SRGAP3: variants seen among roughly 807,000 people sequenced by gnomAD.
SRGAP3 encodes the protein SLIT-ROBO Rho GTPase activating protein 3.
In SRGAP3, 39 loss-of-function variants were observed where a neutral mutation model predicts 121.1. The ratio of observed to expected loss-of-function variants is 0.32; its 90% CI spans 0.25 to 0.42. The LOEUF is 0.42. Ranked by LOEUF, SRGAP3 falls within the 10% of genes least tolerant of loss-of-function variation. SRGAP3 has a pLI of 1.00. For synonymous variants in SRGAP3, 601 were observed against 570.0 expected (o/e 1.05, Z -0.77); for missense variants, 1,213 against 1,470.6 (o/e 0.82, Z 2.86).
intron 3 of SRGAP3, among the ~76,000 whole-genome samples, chr3:9,299,138 G>A (rs1955003908): frequency 6.6e-6 from 1 of 150,930 alleles, no homozygotes; most frequent in Admixed American, 6.6e-5. Flanking sequence ...CGAGCCGGAT[G>A]GATCACGAGG....
chr3:9,189,271 G>T (rs1951685660), intron 1 of SRGAP3, among the ~76,000 whole-genome samples: 1 of 152,200 alleles, frequency 6.6e-6, no homozygotes, highest in African/African-American at 2.4e-5. Flanking sequence ...CCGTAAAACT[G>T]TCTTGAATAT....
intron 12 of SRGAP3, among the ~76,000 whole-genome samples, chr3:9,031,970 C>T (rs984339): frequency 0.44 from 66,967 of 151,906 alleles, 14,922 homozygotes; most frequent in East Asian, 0.68. Flanking sequence ...TCTGATATGG[C>T]TTAATCTCAT....
chr3:9,291,592 T>C (rs1366032770), intron 3 of SRGAP3, among the ~76,000 whole-genome samples: 1 of 143,720 alleles, frequency 7.0e-6, no homozygotes, highest in African/African-American at 2.6e-5. Context: ...CATCCATTCA[T>C]GCATCAACAC....
At chr3:9,063,183 A>G (rs2125203671) in intron 5 of SRGAP3, among the ~76,000 whole-genome samples, 1 of 119,638 alleles carries the variant, frequency 8.4e-6, no homozygotes, top group South Asian at 2.8e-4. Flanking sequence ...CCCAGGCTGG[A>G]GTGCAGTGAT....
At chr3:9,243,451 A>G (rs1441730361) in intron 1 of SRGAP3, among the ~76,000 whole-genome samples, 1 of 152,104 alleles carries the variant, frequency 6.6e-6, no homozygotes, top group Non-Finnish European at 1.5e-5. Context: ...TCTGGCCAAC[A>G]TGGTGAAACC....
intron 3 of SRGAP3, among the ~76,000 whole-genome samples, chr3:9,101,647 A>G (rs915489416): frequency 6.6e-6 from 1 of 152,228 alleles, no homozygotes; most frequent in African/African-American, 2.4e-5. Context: ...TTGCCGAAAG[A>G]GTTGCAGAAA....
Position 8,990,690 on chromosome 3 carries a change from C to G in SRGAP3, c.2708G>C (p.Arg903Pro), listed in dbSNP as rs752982204. 6.2e-7 allele frequency: 1 copy of G among 1,613,160 alleles called. No homozygotes were observed. Among genetic ancestry groups the G allele is most frequent in the Non-Finnish European group, 8.5e-7 (1 of 1,179,864 alleles). Residue 903 changes from arginine to proline, a missense_variant, in exon 21 of 22, where the codon CGG (arginine) becomes CCG (proline). Physicochemically the swap from Arg to Pro is moderately radical, Grantham distance 103 (BLOSUM62 -2). This residue lies in a region of SRGAP3 where 420 missense variants were observed against 437.7 expected (regional missense o/e 0.96). Coordinates refer to ENST00000383836, the MANE Select transcript of SRGAP3 (RefSeq NM_014850.4). ...CTTCTCAGGGCTCTCGATCCTCCCC[C>G]GGGTGAGGGGGATTTTGTGGGGGCT... ...PSSPHKIPLT[R>P]GRIESPEKRR...
chr3:9,265,932 T>C (rs1010904485), intron 3 of SRGAP3, among the ~76,000 whole-genome samples: 14 of 152,216 alleles, frequency 9.2e-5, no homozygotes, highest in Non-Finnish European at 1.3e-4. Flanking sequence ...CGTATATTTA[T>C]TGAGGCACTA....
chr3:9,311,579 A>G lies in SRGAP3; in HGVS notation n.442+14431T>C, dbSNP rs1482793961. The stretch of plus-strand genomic sequence containing the variant: ...ATGCGTGTGGCTGCACCCAAATACA[A>G]CTGTATTTATGGACACTAAAATCTG... On this transcript the variant is annotated intron_variant and non_coding_transcript_variant, in intron 3 of 3. Transcript: ENST00000490889. Among the ~76,000 whole-genome samples the G allele has an allele frequency of 3.3e-5, 5 of 152,138 alleles. No individual in the cohort carries two copies. The East Asian group carries it at 9.6e-4, about 29-fold the overall frequency.
At chr3:9,205,565 C>T in intron 1 of SRGAP3, among the ~76,000 whole-genome samples, 1 of 152,170 alleles carries the variant, frequency 6.6e-6, no homozygotes, top group East Asian at 1.9e-4. Flanking sequence ...ATGAGTCAGC[C>T]CCACCCAAAT....
chr3:9,188,824 G>A (rs1000614673), intron 1 of SRGAP3, among the ~76,000 whole-genome samples: 9 of 152,310 alleles, frequency 5.9e-5, no homozygotes, highest in Non-Finnish European at 1.3e-4. Context: ...AATAGGGAAA[G>A]ATGCAAAGTT....
Position 9,330,569 on chromosome 3 carries a change from C to G in SRGAP3, n.242G>C, listed in dbSNP as rs574402897. On this transcript the variant is annotated non_coding_transcript_exon_variant, in exon 2 of 4. Coordinates refer to the SRGAP3 transcript ENST00000490889. ...GCACTCCTGGGCGTCACCAGAAGCTCCACTTCGGATCCCACTTCTGACATC... is the reference window on the plus strand; with the variant it reads ...GCACTCCTGGGCGTCACCAGAAGCTGCACTTCGGATCCCACTTCTGACATC... 13 of 154,924 alleles carry G rather than the reference C, an allele frequency of 8.4e-5. No homozygotes were observed. In the South Asian group the frequency reaches 2.1e-3, roughly 25 times the overall value. The allele number at this position is 154,924 out of a possible 1,614,324, so 9.6% of individuals were successfully genotyped here.
chr3:9,090,203 A>C (rs1004815535), intron 3 of SRGAP3, among the ~76,000 whole-genome samples: 2 of 152,186 alleles, frequency 1.3e-5, no homozygotes, highest in African/African-American at 4.8e-5. Flanking sequence ...TTCCTGCAAA[A>C]GGACTAATTT....
At chr3:9,229,659 C>A (rs902158548) in intron 1 of SRGAP3, among the ~76,000 whole-genome samples, 4 of 152,210 alleles carry the variant, frequency 2.6e-5, no homozygotes, top group African/African-American at 9.6e-5. Flanking sequence ...GGCCTGAGGT[C>A]TGGCATCCTA....
At chr3:9,211,665 C>CTTTTTTTTT (rs1193329370) in intron 1 of SRGAP3, among the ~76,000 whole-genome samples, 2 of 121,144 alleles carry the variant, frequency 1.7e-5, no homozygotes, top group South Asian at 2.7e-4. Flanking sequence ...TCTTTCTTTT[C>CTTTTTTTTT]TTTTTTTTTT....
chr3:9,052,190 C>G (rs1355028180), intron 9 of SRGAP3, among the ~76,000 whole-genome samples: 1 of 152,186 alleles, frequency 6.6e-6, no homozygotes, highest in Non-Finnish European at 1.5e-5. Context: ...AATGAAATCC[C>G]AGCTCCCTGC....
chr3:9,323,798 A>AACACACACACACAC lies in SRGAP3; in HGVS notation n.442+2198_442+2211dup, dbSNP rs139013302. On this transcript the variant is annotated intron_variant and non_coding_transcript_variant, in intron 3 of 3. Transcript: ENST00000490889. ...CACAAATGTCTCTCCCTGTGTATCT[A>AACACACACACACAC]ACACACACACACACACACACACACA... 9.5e-3 allele frequency among the ~76,000 whole-genome samples: 1,413 copies of AACACACACACACAC among 148,870 alleles called. 23 individuals are homozygous for AACACACACACACAC. The highest frequency in any genetic ancestry group is 0.031 in the African/African-American group (1,258 of 40,618).
At chr3:9,120,551 G>C (rs1467644065) in intron 2 of SRGAP3, among the ~76,000 whole-genome samples, 3 of 152,252 alleles carry the variant, frequency 2.0e-5, no homozygotes, top group East Asian at 1.9e-4. Flanking sequence ...TTCTTGGAGA[G>C]AGAAGCCTGA....
chr3:8,985,937 G>C lies in SRGAP3; in HGVS notation c.2887-5C>G. On this transcript the variant is annotated splice_region_variant and splice_polypyrimidine_tract_variant and intron_variant, in intron 21 of 21. Transcript: ENST00000383836. This position sits in a 1 kb window ranked among gnomAD's most constrained non-coding sequence, Gnocchi z 5.1. ...GCTCATGGTCTTCTCGATGTCCTGG[G>C]GACAGAGGGAGCTGGGGTCAGCACA... 1 of 1,599,642 alleles carries C rather than the reference G, an allele frequency of 6.3e-7. No individual in the cohort carries two copies. The highest frequency in any genetic ancestry group is 8.5e-7 in the Non-Finnish European group (1 of 1,179,926).
Sources: gnomAD v4.1 joint callset for allele counts (sites outside exome capture counted in the v4.1 genomes callset) on GRCh38, gnomAD v4.1.1 for gene constraint, gnomAD v4.1.1 regional missense constraint, Gnocchi (gnomAD v3.1) non-coding constraint, MANE v1.5 for transcripts, NCBI Gene and HGNC (gene_info 2026-07-23, HGNC 2026-07-21) for gene names.